Variants in NUP155 observed in about 807,000 individuals in gnomAD.
The protein encoded by NUP155 is nucleoporin 155.
Under a neutral mutation model 180.4 loss-of-function variants are expected in NUP155, and 71 were observed. The observed-to-expected ratio is 0.39, with a 90% CI of 0.33 to 0.48. The LOEUF is 0.48. Ranked by LOEUF, NUP155 falls within the 20% of genes least tolerant of loss-of-function variation. The probability of loss-of-function intolerance (pLI) is 0.91; values close to 1 mark genes in which losing one functional copy is unlikely to be tolerated. For synonymous variants in NUP155, 582 were observed against 559.5 expected (o/e 1.04, Z -0.57); for missense variants, 1,553 against 1,648.9 (o/e 0.94, Z 1.01).
chr5:37,304,538 C>T (rs978881065), intron 27 of NUP155, among the ~76,000 whole-genome samples: 1 of 152,146 alleles, frequency 6.6e-6, no homozygotes, highest in African/African-American at 2.4e-5. Context: ...CTATCCCAAT[C>T]AGCTTCGAAT....
At chr5:37,336,009 C>G (rs1410636415) in intron 12 of NUP155, among the ~76,000 whole-genome samples, 2 of 151,904 alleles carry the variant, frequency 1.3e-5, no homozygotes, top group African/African-American at 4.8e-5. Flanking sequence ...AACACCTAAC[C>G]AATATAAAAT....
In NUP155 at chr5:37,352,753, A is replaced by G. The variant is rs368496834; in HGVS notation, c.540T>C (p.Tyr180=). 2 of 1,613,058 alleles carry G rather than the reference A, an allele frequency of 1.2e-6. No individual in the cohort carries two copies. Among genetic ancestry groups the G allele is most frequent in the African/African-American group, 1.3e-5 (1 of 74,896 alleles). ...TTGCCATACCTGTTTGCAAATTAGCATAGCTGAGTCCAAGAATTACTATGT... is the reference window on the plus strand; with the variant it reads ...TTGCCATACCTGTTTGCAAATTAGCGTAGCTGAGTCCAAGAATTACTATGT... The part of the protein sequence containing the change: ...PVDIVILGLS[Y]ANLQTGSGVL... The change falls in exon 5 of 35, where the codon TAT becomes TAC. Residue 180 remains tyrosine (Y), a synonymous_variant. Transcript: ENST00000231498.
At chr5:37,345,552 T>C (rs912438167) in intron 9 of NUP155, among the ~76,000 whole-genome samples, 1 of 150,058 alleles carries the variant, frequency 6.7e-6, no homozygotes, top group African/African-American at 2.5e-5. Flanking sequence ...TACAATGTAC[T>C]TTCAAATGGC....
chr5:37,370,994 A>G lies in NUP155; in HGVS notation c.-17T>C. ...AGACGGCATCTCGGAAATCGTAGACACCAGGGTCCAGAAAAAGTCAAAAAC... is the reference window on the plus strand; with the variant it reads ...AGACGGCATCTCGGAAATCGTAGACGCCAGGGTCCAGAAAAAGTCAAAAAC... On this transcript the variant is annotated 5_prime_UTR_variant, in exon 1 of 35. Coordinates refer to ENST00000231498, the MANE Select transcript of NUP155 (RefSeq NM_153485.3). The G allele has an allele frequency of 1.2e-6, 2 of 1,612,792 alleles. No individual in the cohort carries two copies. The highest frequency in any genetic ancestry group is 1.7e-6 in the Non-Finnish European group (2 of 1,179,474).
intron 11 of NUP155, among the ~76,000 whole-genome samples, chr5:37,339,396 G>A (rs946668199): frequency 6.6e-6 from 1 of 151,992 alleles, no homozygotes; most frequent in Admixed American, 6.6e-5. Flanking sequence ...GGGAGGCAGA[G>A]GTGGTAGGAC....
intron 22 of NUP155, among the ~76,000 whole-genome samples, chr5:37,313,286 C>T (rs1743639726): frequency 6.6e-6 from 1 of 151,868 alleles, no homozygotes; most frequent in African/African-American, 2.4e-5. Context: ...AAAAAATTAG[C>T]TGGGCGTGGT....
At chr5:37,356,229 CAAAAA>C (rs35469429) in intron 4 of NUP155, among the ~76,000 whole-genome samples, 1 of 91,492 alleles carries the variant, frequency 1.1e-5, no homozygotes. Context: ...AATTCCATCT[CAAAAA>C]AAAAAAAAAA....
chr5:37,335,380 G>A (rs1260811831), intron 12 of NUP155, among the ~76,000 whole-genome samples: 317 of 116,356 alleles, frequency 2.7e-3, no homozygotes, highest in African/African-American at 7.1e-3. Context: ...CCCTGTCTCA[G>A]AAAAAAAAAA....
Position 37,350,252 on chromosome 5 carries a change from C to A in NUP155, c.737G>T (p.Trp246Leu). 2 of 1,613,138 alleles carry A rather than the reference C, an allele frequency of 1.2e-6. No individual in the cohort carries two copies. The highest frequency in any genetic ancestry group is 1.7e-6 in the Non-Finnish European group (2 of 1,179,330). Reference sequence around the variant, plus strand: ...TATTTTCCTACATCTTTGGCTAAACCACCCTGCTTCAGCCTTAAAGAAAAA... The same window carrying A: ...TATTTTCCTACATCTTTGGCTAAACAACCCTGCTTCAGCCTTAAAGAAAAA... ...YEVAYQAEAG[W>L]FSQRCRKINH... The change falls in exon 7 of 35, where the codon TGG (tryptophan) becomes TTG (leucine). Residue 246 changes from tryptophan (W) to leucine (L), a missense_variant. Physicochemically the swap from Trp to Leu is moderately conservative, Grantham distance 61. Coordinates refer to ENST00000231498, the MANE Select transcript of NUP155 (RefSeq NM_153485.3).
At chr5:37,360,786 AG>A (rs751344090) in intron 3 of NUP155, among the ~76,000 whole-genome samples, 3,461 of 131,680 alleles carry the variant, frequency 0.026, 55 homozygotes, top group Middle Eastern at 0.03. Flanking sequence ...ATAAAAAAAA[AG>A]GGGGGGGGGT....
chr5:37,358,304 C>T (rs1445238345), intron 3 of NUP155, among the ~76,000 whole-genome samples, 153 bp from the exon 4 acceptor site: 1 of 152,066 alleles, frequency 6.6e-6, no homozygotes, highest in Non-Finnish European at 1.5e-5. Flanking sequence ...CATAGTGAGA[C>T]TGTCTCTACA....
intron 24 of NUP155, among the ~76,000 whole-genome samples, chr5:37,308,617 C>T (rs1378207687): frequency 6.6e-6 from 1 of 151,808 alleles, no homozygotes; most frequent in Non-Finnish European, 1.5e-5. Flanking sequence ...ATGGCGTGAA[C>T]CTGGGAGGCA....
chr5:37,318,288 A>G (rs975951094), intron 20 of NUP155, among the ~76,000 whole-genome samples: 1 of 152,186 alleles, frequency 6.6e-6, no homozygotes. Flanking sequence ...AGATTAAATC[A>G]ATTAAATGAC....
At chr5:37,367,894 C>T (rs983573430) in intron 1 of NUP155, among the ~76,000 whole-genome samples, 1 of 152,188 alleles carries the variant, frequency 6.6e-6, no homozygotes, top group African/African-American at 2.4e-5. Flanking sequence ...AGCGATTGTC[C>T]TGCCTCAGCC....
At chr5:37,332,647 G>A (rs573566799) in intron 13 of NUP155, among the ~76,000 whole-genome samples, 2 of 152,122 alleles carry the variant, frequency 1.3e-5, no homozygotes, top group South Asian at 2.1e-4. Flanking sequence ...GTGAGTGGAA[G>A]CTTTTCAACT....
intron 32 of NUP155, among the ~76,000 whole-genome samples, chr5:37,297,996 G>A (rs2150939026): frequency 6.6e-6 from 1 of 151,804 alleles, no homozygotes; most frequent in South Asian, 2.1e-4. Flanking sequence ...CCAGCACCTT[G>A]GGAGGCCAAG....
chr5:37,332,155 A>G (rs1379214578), intron 13 of NUP155, among the ~76,000 whole-genome samples: 1 of 133,760 alleles, frequency 7.5e-6, no homozygotes, highest in Non-Finnish European at 1.5e-5. Flanking sequence ...GCTACTATTT[A>G]TATCAATTTA....
At chr5:37,307,188 ACT>A (rs1459971269) in intron 25 of NUP155, 107 bp downstream of exon 25, 4 of 1,060,410 alleles carry the variant, frequency 3.8e-6, no homozygotes, top group South Asian at 1.4e-5. Context: ...ACAGAGCAAG[ACT>A]CTGTCTCAAA....
In NUP155 at chr5:37,291,603, C is replaced by T. The variant is rs1318182660; in HGVS notation, c.*297G>A. The T allele has an allele frequency of 2.4e-5, 6 of 252,486 alleles. No individual in the cohort carries two copies. The highest frequency in any genetic ancestry group is 4.6e-5 in the Non-Finnish European group (6 of 129,818). The allele number at this position is 252,486 out of a possible 1,614,324, so 15.6% of individuals were successfully genotyped here. A position where few individuals can be genotyped will look rare whatever the true frequency, so the allele number is the denominator to read the frequency against. On this transcript the variant is annotated 3_prime_UTR_variant, in exon 35 of 35. Transcript: ENST00000231498. ...AACTTGAAAATGAATAATATAAATTCGAAATTTCTGCCTGCAGTACAATTC... is the reference window on the plus strand; with the variant it reads ...AACTTGAAAATGAATAATATAAATTTGAAATTTCTGCCTGCAGTACAATTC...
Sources: allele counts gnomAD v4.1 joint callset (sites outside exome capture counted in the v4.1 genomes callset), GRCh38; gene constraint gnomAD v4.1.1; transcripts MANE v1.5; gene names NCBI Gene and HGNC (gene_info 2026-07-23, HGNC 2026-07-21).